The following DIS3L2 variants were observed in gnomAD, a reference collection of about 807,000 sequenced individuals.
The protein encoded by DIS3L2 is DIS3-like exonuclease 2.
In DIS3L2, 34 loss-of-function variants were observed where a neutral mutation model predicts 97.5. That is an observed-to-expected ratio of 0.35 (90% CI 0.27 to 0.46). The LOEUF (loss-of-function observed/expected upper bound fraction) is 0.46, where lower values mean the gene tolerates loss of function less well. Among genes scored for constraint, DIS3L2 ranks in the 20% least tolerant of loss-of-function variants. The probability of loss-of-function intolerance (pLI) is 1.00; values close to 1 mark genes in which losing one functional copy is unlikely to be tolerated. For missense variants in DIS3L2, 1,038 were observed against 1,146.0 expected (o/e 0.91, Z 1.36); for synonymous variants, 435 against 445.2 (o/e 0.98, Z 0.29).
At chr2:232,127,890 C>T (rs1698109774) in intron 6 of DIS3L2, among the ~76,000 whole-genome samples, 1 of 152,146 alleles carries the variant, frequency 6.6e-6, no homozygotes, top group South Asian at 2.1e-4. Flanking sequence ...GATCTCTAAT[C>T]TAAATCATAT....
intron 16 of DIS3L2, among the ~76,000 whole-genome samples, chr2:232,333,264 C>T (rs1239024800): frequency 6.9e-6 from 1 of 145,688 alleles, no homozygotes; most frequent in Non-Finnish European, 1.5e-5. Context: ...TCCGCTGTCG[C>T]CTCCTCCTCC....
At chr2:232,329,785 T>TCCCCGGGGGGGGACCC in intron 14 of DIS3L2, 28 bp from the exon 15 acceptor site, 1 of 967,142 alleles carries the variant, frequency 1.0e-6, no homozygotes, top group South Asian at 2.1e-5. Flanking sequence ...ACCCCAGCGG[T>TCCCCGGGGGGGGACCC]CCCTCCCATC....
At chr2:232,114,328 G>C (rs1697635791) in intron 6 of DIS3L2, among the ~76,000 whole-genome samples, 1 of 151,916 alleles carries the variant, frequency 6.6e-6, no homozygotes, top group African/African-American at 2.4e-5. Flanking sequence ...AATTGACATG[G>C]TTCCACGGCA....
intron 6 of DIS3L2, among the ~76,000 whole-genome samples, chr2:232,103,712 A>G (rs1299359234): frequency 6.6e-6 from 1 of 152,222 alleles, no homozygotes; most frequent in Non-Finnish European, 1.5e-5. Flanking sequence ...GCCTTGGAAT[A>G]GTTACAATAG....
At chr2:232,267,591 C>T (rs960261528) in intron 13 of DIS3L2, among the ~76,000 whole-genome samples, 1 of 152,156 alleles carries the variant, frequency 6.6e-6, no homozygotes, top group African/African-American at 2.4e-5. Flanking sequence ...AACAGGGGCC[C>T]AGACTTTTTT....
At chr2:232,239,450 G>T (rs1216076074) in intron 11 of DIS3L2, among the ~76,000 whole-genome samples, 1 of 152,166 alleles carries the variant, frequency 6.6e-6, no homozygotes, top group Non-Finnish European at 1.5e-5. Flanking sequence ...AATTCTGCCA[G>T]GTTTCTTTCT....
chr2:232,117,918 T>A (rs1697776456), intron 6 of DIS3L2, among the ~76,000 whole-genome samples: 1 of 152,206 alleles, frequency 6.6e-6, no homozygotes. Flanking sequence ...TATCTCACAG[T>A]TTCTGTAGGT....
At chr2:232,199,949 G>A (rs1691846629) in intron 9 of DIS3L2, among the ~76,000 whole-genome samples, 1 of 152,120 alleles carries the variant, frequency 6.6e-6, no homozygotes, top group Non-Finnish European at 1.5e-5. Flanking sequence ...CAAATGTATA[G>A]CATCAGCACC....
chr2:231,999,673 T>A (rs1421036776), intron 1 of DIS3L2, among the ~76,000 whole-genome samples: 1 of 152,252 alleles, frequency 6.6e-6, no homozygotes, highest in Non-Finnish European at 1.5e-5. Flanking sequence ...AACCAGAGTT[T>A]AATCTTTATT....
intron 10 of DIS3L2, among the ~76,000 whole-genome samples, chr2:232,230,314 G>A (rs1692754640): frequency 6.6e-6 from 1 of 152,214 alleles, no homozygotes; most frequent in African/African-American, 2.4e-5. Flanking sequence ...GCTAAGGCCA[G>A]GGCCCGCATC....
intron 10 of DIS3L2, among the ~76,000 whole-genome samples, chr2:232,220,717 AAAG>A (rs1471267681): frequency 6.6e-6 from 1 of 152,118 alleles, no homozygotes; most frequent in African/African-American, 2.4e-5. Flanking sequence ...AAACAAAAGA[AAAG>A]AAATAGAAAT....
chr2:232,207,180 T>C (rs1692050113), intron 9 of DIS3L2, among the ~76,000 whole-genome samples: 1 of 152,210 alleles, frequency 6.6e-6, no homozygotes, highest in Admixed American at 6.5e-5. Flanking sequence ...GTCTGACTTT[T>C]TAGTTTCAGT....
intron 4 of DIS3L2, among the ~76,000 whole-genome samples, chr2:232,027,478 G>T (rs890499945): frequency 6.6e-6 from 1 of 152,188 alleles, no homozygotes; most frequent in Non-Finnish European, 1.5e-5. Context: ...AAAATGAGGG[G>T]ATGGAGTAAA....
At chr2:232,169,537 T>C (rs969261303) in intron 9 of DIS3L2, among the ~76,000 whole-genome samples, 2 of 152,112 alleles carry the variant, frequency 1.3e-5, no homozygotes, top group African/African-American at 4.8e-5. Context: ...ATCTGAGAAA[T>C]GAGCAGGTAT....
intron 2 of DIS3L2, 42 bp downstream of exon 2, chr2:232,015,021 C>A: frequency 6.2e-7 from 1 of 1,607,880 alleles, no homozygotes; most frequent in Non-Finnish European, 8.5e-7. Context: ...AACTGGAGAA[C>A]TGAAATGAAA....
chr2:232,220,429 C>T (rs373741437), intron 10 of DIS3L2, among the ~76,000 whole-genome samples: 6 of 152,162 alleles, frequency 3.9e-5, no homozygotes, highest in East Asian at 3.9e-4. Context: ...AATTTGAGGG[C>T]GGGGTGCGAT....
intron 9 of DIS3L2, among the ~76,000 whole-genome samples, chr2:232,188,291 TTAGG>T (rs1691504551): frequency 1.3e-5 from 2 of 152,128 alleles, no homozygotes; most frequent in African/African-American, 4.8e-5. Context: ...TATTCTAAAA[TTAGG>T]TAGGGATAAT....
At chr2:232,104,349 G>A (rs1485168989) in intron 6 of DIS3L2, among the ~76,000 whole-genome samples, 2 of 152,088 alleles carry the variant, frequency 1.3e-5, no homozygotes, top group African/African-American at 4.8e-5. Context: ...AGCAGGTATT[G>A]TTTATCAAAC....
chr2:232,124,892 A>G (rs1698011191), intron 6 of DIS3L2, among the ~76,000 whole-genome samples: 1 of 152,224 alleles, frequency 6.6e-6, no homozygotes, highest in South Asian at 2.1e-4. Flanking sequence ...ATATAATTTA[A>G]CCATTTCTCA....
Sources: allele counts gnomAD v4.1 joint callset (sites outside exome capture counted in the v4.1 genomes callset), GRCh38; gene constraint gnomAD v4.1.1; transcripts MANE v1.5; gene names NCBI Gene and HGNC (gene_info 2026-07-23, HGNC 2026-07-21).